Variants in CHD7 observed in about 807,000 individuals in gnomAD.
The protein encoded by CHD7 is ATP-dependent chromatin remodeler CHD7.
A neutral mutation model predicts 307.3 loss-of-function variants in CHD7; 24 were observed. The observed-to-expected ratio is 0.08, with a 90% CI of 0.06 to 0.11. The LOEUF is 0.11. CHD7 is among the 10% of genes least tolerant of loss of function. The pLI is 1.00. For synonymous variants in CHD7, 1,363 were observed against 1,349.9 expected, an observed-to-expected ratio of 1.01 and a Z score of -0.21; for missense variants, 3,106 against 3,727.1, an observed-to-expected ratio of 0.83 and a Z score of 4.34.
chr8:60,823,660 C>G (rs1804143775), intron 12 of CHD7, among the ~76,000 whole-genome samples, 180 bp from the exon 13 acceptor site: 1 of 152,106 alleles, frequency 6.6e-6, no homozygotes, highest in African/African-American at 2.4e-5. Context: ...CATTTGTTTT[C>G]CAATTCTGTT....
At chr8:60,853,614 C>A in intron 31 of CHD7, 114 bp downstream of exon 31, 1 of 823,674 alleles carries the variant, frequency 1.2e-6, no homozygotes, top group Non-Finnish European at 1.8e-6. Context: ...TGTACATTTT[C>A]TTCTGTGAAG....
At chr8:60,817,163 C>CTTAG (rs764868964) in intron 8 of CHD7, among the ~76,000 whole-genome samples, 1 of 152,190 alleles carries the variant, frequency 6.6e-6, no homozygotes, top group African/African-American at 2.4e-5. Flanking sequence ...GGTCTCTGGA[C>CTTAG]TTAGGATCGC....
chr8:60,716,450 A>G (rs1445454515), intron 1 of CHD7, among the ~76,000 whole-genome samples: 3 of 152,170 alleles, frequency 2.0e-5, no homozygotes, highest in African/African-American at 4.8e-5. Flanking sequence ...CTCAGGTGCC[A>G]GTTCCCCTCT....
intron 14 of CHD7, among the ~76,000 whole-genome samples, chr8:60,829,888 C>T (rs1393992218): frequency 1.3e-5 from 2 of 152,172 alleles, no homozygotes; most frequent in South Asian, 2.1e-4. Flanking sequence ...TCTGCTGGCT[C>T]CTTAGTGCAG....
chr8:60,855,123 G>C (rs999013081), intron 32 of CHD7: 5 of 151,028 alleles, frequency 3.3e-5, no homozygotes, highest in African/African-American at 1.2e-4. Flanking sequence ...TAACAGGGCT[G>C]TCTGGTTTAA....
At chr8:60,695,726 A>G (rs553028924) in intron 1 of CHD7, among the ~76,000 whole-genome samples, 69 of 152,386 alleles carry the variant, frequency 4.5e-4, no homozygotes, top group Non-Finnish European at 7.5e-4. Flanking sequence ...TTAATTGTCA[A>G]TAAACACAAA....
intron 24 of CHD7, 94 bp downstream of exon 24, chr8:60,848,698 A>G (rs1051531392): frequency 3.3e-5 from 31 of 942,168 alleles, no homozygotes; most frequent in Non-Finnish European, 5.3e-5. Flanking sequence ...TTCATAAACC[A>G]CTAGTAACCC....
chr8:60,723,415 C>T (rs895797569), intron 1 of CHD7, among the ~76,000 whole-genome samples: 2 of 152,032 alleles, frequency 1.3e-5, no homozygotes, highest in African/African-American at 4.8e-5. Context: ...CTCAGTTATA[C>T]CTCAGTTATG....
At chr8:60,746,178 C>T (rs150071447) in intron 2 of CHD7, among the ~76,000 whole-genome samples, 190 of 152,254 alleles carry the variant, frequency 1.2e-3, no homozygotes, top group African/African-American at 4.2e-3. Flanking sequence ...GGACTACAGG[C>T]GCGCACCACC....
chr8:60,824,164 A>G, intron 13 of CHD7, 148 bp downstream of exon 13: 1 of 707,208 alleles, frequency 1.4e-6, no homozygotes, highest in Non-Finnish European at 2.3e-6. Context: ...TCAGTTATTC[A>G]AAAGTTGTTG....
At chr8:60,692,541 A>G (rs1047919983) in intron 1 of CHD7, among the ~76,000 whole-genome samples, 1 of 152,216 alleles carries the variant, frequency 6.6e-6, no homozygotes. Flanking sequence ...CTTAAAAGGT[A>G]ATTTAGTGAG....
At chr8:60,798,973 C>G (rs1347920728) in intron 4 of CHD7, among the ~76,000 whole-genome samples, 2 of 152,084 alleles carry the variant, frequency 1.3e-5, no homozygotes, top group Non-Finnish European at 2.9e-5. Context: ...TGCTTCTCTC[C>G]CCATCTTTAT....
chr8:60,831,660 G>T (rs1804526225), intron 15 of CHD7, among the ~76,000 whole-genome samples: 1 of 151,822 alleles, frequency 6.6e-6, no homozygotes, highest in South Asian at 2.1e-4. Context: ...AGAAGAACCA[G>T]CTCAGAGGCT....
intron 3 of CHD7, among the ~76,000 whole-genome samples, chr8:60,786,756 A>G (rs1392958342): frequency 1.3e-5 from 2 of 152,234 alleles, no homozygotes; most frequent in African/African-American, 2.4e-5. Flanking sequence ...GGCTGATTTT[A>G]TCTTTTATTT....
At chr8:60,809,688 A>C (rs960477212) in intron 7 of CHD7, 3 of 150,132 alleles carry the variant, frequency 2.0e-5, no homozygotes, top group Non-Finnish European at 3.0e-5. Context: ...AAAAAAAAAA[A>C]AAAAAAGAAA....
Position 60,742,244 on chromosome 8 carries a change from A to C in CHD7, c.812A>C (p.His271Pro). Residue 271 changes from histidine to proline, a missense_variant, in exon 2 of 38, where the codon CAC becomes CCC. His to Pro is a moderately conservative substitution (Grantham distance 77, BLOSUM62 -2). Around this residue, in one of 10 missense-constraint regions of CHD7, gnomAD observed 998 missense variants for 1,004.5 expected, o/e 0.99. Coordinates refer to ENST00000423902, the MANE Select transcript of CHD7 (RefSeq NM_017780.4). The stretch of plus-strand genomic sequence containing the variant: ...GCTCTCCATGGAGAATCCGTTGCCC[A>C]CAGTCCCAGATTCTCCCCGAATCCT... ...STALHGESVA[H>P]SPRFSPNPPQ... 1 of 1,613,810 alleles carries C rather than the reference A, an allele frequency of 6.2e-7. No homozygotes were observed. The highest frequency in any genetic ancestry group is 1.6e-4 in the Middle Eastern group (1 of 6,062).
rs745429316 is a variant in CHD7 at position 60,821,949 on chromosome 8, A to G, written c.2835+22A>G. ...TGTGGTAAGAATTGGCTGATGGTAG[A>G]GAATTTAATTTGAAAATAGCATAGT... On this transcript the variant is annotated intron_variant, in intron 10 of 37. Transcript: ENST00000423902. 7.4e-6 allele frequency: 12 copies of G among 1,613,308 alleles called. No individual in the cohort carries two copies. The Admixed American group carries it at 2.0e-4, about 27-fold the overall frequency.
At chr8:60,771,334 T>C (rs1048174923) in intron 2 of CHD7, among the ~76,000 whole-genome samples, 3 of 152,250 alleles carry the variant, frequency 2.0e-5, no homozygotes, top group Non-Finnish European at 2.9e-5. Flanking sequence ...AGAAGTGCTT[T>C]GGATTTCAGA....
chr8:60,825,931 T>G (rs1046789627), intron 13 of CHD7, among the ~76,000 whole-genome samples: 6 of 152,308 alleles, frequency 3.9e-5, no homozygotes, highest in Admixed American at 3.9e-4. Flanking sequence ...GTTGGTTTGC[T>G]GCACCCATCA....
Sources: gnomAD v4.1 joint callset for allele counts (sites outside exome capture counted in the v4.1 genomes callset) on GRCh38, gnomAD v4.1.1 for gene constraint, gnomAD v4.1.1 regional missense constraint, MANE v1.5 for transcripts, NCBI Gene and HGNC (gene_info 2026-07-23, HGNC 2026-07-21) for gene names.